The following OR1J2 variants were observed in gnomAD, a reference collection of about 807,000 sequenced individuals.
The protein encoded by OR1J2 is olfactory receptor 1J2.
For synonymous variants in OR1J2, 142 were observed against 99.7 expected (o/e 1.42, Z -2.52); for missense variants, 304 against 246.1 (o/e 1.24, Z -1.57).
At chr9:122,567,946 A>G in the OR1J2 span, 3 of 1,614,220 alleles carry the variant, frequency 1.9e-6, no homozygotes, top group East Asian at 4.5e-5. Flanking sequence ...TCACAGAGAA[A>G]GTGGTGGATA....
chr9:122,490,205 C>T, the OR1J2 span, among the ~76,000 whole-genome samples: 1 of 152,122 alleles, frequency 6.6e-6, no homozygotes, highest in African/African-American at 2.4e-5. Flanking sequence ...GAGTCTGGCA[C>T]ATTCATAACC....
At chr9:122,449,695 T>C in the OR1J2 span, among the ~76,000 whole-genome samples, 60 of 152,288 alleles carry the variant, frequency 3.9e-4, no homozygotes, top group African/African-American at 1.4e-3. Flanking sequence ...ATCTATCATT[T>C]TTCTGTGCAG....
chr9:122,543,341 C>T, the OR1J2 span, among the ~76,000 whole-genome samples: 1 of 152,048 alleles, frequency 6.6e-6, no homozygotes, highest in Admixed American at 6.6e-5. Context: ...TAGCTGGGAC[C>T]ATAGGCATGT....
At chr9:122,553,779 C>T in the OR1J2 span, 40 of 1,613,978 alleles carry the variant, frequency 2.5e-5, no homozygotes, top group Non-Finnish European at 3.4e-5. Context: ...TCTCCTGAAG[C>T]TTGCCTGCTC....
the OR1J2 span, among the ~76,000 whole-genome samples, chr9:122,491,489 T>G: frequency 6.6e-6 from 1 of 151,938 alleles, no homozygotes. Context: ...GAATAGTTGC[T>G]GAGGACAGAC....
At chr9:122,468,555 G>A in the OR1J2 span, among the ~76,000 whole-genome samples, 1 of 151,980 alleles carries the variant, frequency 6.6e-6, no homozygotes, top group Non-Finnish European at 1.5e-5. Context: ...CTTTGTCTGT[G>A]AAAAGGAAGA....
the OR1J2 span, among the ~76,000 whole-genome samples, chr9:122,493,433 G>A: frequency 6.2e-4 from 95 of 152,186 alleles, 1 homozygote; most frequent in Non-Finnish European, 2.2e-4. Context: ...TAACCTAGGA[G>A]GGTTGTATAT....
At chr9:122,514,783 G>A (rs1281724504), downstream of OR1J2, among the ~76,000 whole-genome samples, 1 of 152,158 alleles carries the variant, frequency 6.6e-6, no homozygotes, top group East Asian at 1.9e-4. Context: ...ATCTGGCAGG[G>A]GAGGTCTTTC....
the OR1J2 span, among the ~76,000 whole-genome samples, chr9:122,473,144 T>C: frequency 6.6e-6 from 1 of 152,214 alleles, no homozygotes; most frequent in South Asian, 2.1e-4. Flanking sequence ...TTACTGATTG[T>C]TGGATCTGTC....
the OR1J2 span, among the ~76,000 whole-genome samples, chr9:122,449,516 C>T: frequency 6.6e-6 from 1 of 152,080 alleles, no homozygotes. Flanking sequence ...ACTACAGGTG[C>T]CCACCACCAT....
At chr9:122,494,639 C>T in the OR1J2 span, among the ~76,000 whole-genome samples, 10 of 152,138 alleles carry the variant, frequency 6.6e-5, no homozygotes, top group South Asian at 6.2e-4. Flanking sequence ...TCCACTCTGC[C>T]GTTCTCTATC....
downstream of OR1J2, among the ~76,000 whole-genome samples, chr9:122,516,300 C>CTTTTTT (rs1278693220): frequency 2.3e-4 from 24 of 104,140 alleles, no homozygotes; most frequent in African/African-American, 7.8e-4. Flanking sequence ...CATACATGGT[C>CTTTTTT]TTTTTTTTTT....
chr9:122,449,279 A>G, the OR1J2 span, among the ~76,000 whole-genome samples: 5 of 152,138 alleles, frequency 3.3e-5, no homozygotes, highest in Non-Finnish European at 7.4e-5. Flanking sequence ...CAGCCAGACT[A>G]TCTCAGCTTG....
the OR1J2 span, among the ~76,000 whole-genome samples, chr9:122,534,275 A>G: frequency 1.3e-5 from 2 of 152,100 alleles, no homozygotes; most frequent in East Asian, 3.8e-4. Flanking sequence ...CTGGAATTTA[A>G]TTTTTGGAGT....
At chr9:122,571,046 G>A in the OR1J2 span, among the ~76,000 whole-genome samples, 52,846 of 151,960 alleles carry the variant, frequency 0.35, 10,449 homozygotes, top group East Asian at 0.8. Flanking sequence ...TCTTACAATC[G>A]TGCATTGGTG....
the OR1J2 span, among the ~76,000 whole-genome samples, chr9:122,485,025 T>C: frequency 1.3e-5 from 2 of 152,214 alleles, no homozygotes; most frequent in Admixed American, 6.5e-5. Context: ...AGTGAGACCA[T>C]GTTTCAAAAA....
At chr9:122,490,304 C>T in the OR1J2 span, among the ~76,000 whole-genome samples, 2 of 152,120 alleles carry the variant, frequency 1.3e-5, no homozygotes, top group Non-Finnish European at 2.9e-5. Context: ...AATGCATCTC[C>T]CCATCCAATG....
the OR1J2 span, among the ~76,000 whole-genome samples, chr9:122,554,632 G>A: frequency 3.9e-5 from 6 of 152,180 alleles, no homozygotes; most frequent in Non-Finnish European, 7.3e-5. Context: ...AACTTAACAA[G>A]TCAATTTATG....
chr9:122,470,263 G>C, the OR1J2 span, among the ~76,000 whole-genome samples: 1 of 152,188 alleles, frequency 6.6e-6, no homozygotes. Flanking sequence ...TTGGTGCCCT[G>C]TGTCCCAGCC....
Sources: gnomAD v4.1 joint callset for allele counts (sites outside exome capture counted in the v4.1 genomes callset) on GRCh38, gnomAD v4.1.1 for gene constraint, MANE v1.5 for transcripts, NCBI Gene and HGNC (gene_info 2026-07-23, HGNC 2026-07-21) for gene names.